The following ARHGAP20 variants were observed in gnomAD, a reference collection of about 807,000 sequenced individuals.
ARHGAP20 encodes rho GTPase-activating protein 20.
ARHGAP20 carries 34 observed loss-of-function variants against 73.7 expected under a neutral mutation model. The ratio of observed to expected loss-of-function variants is 0.46; its 90% confidence interval spans 0.35 to 0.61. The LOEUF is 0.61. Ranked by LOEUF, ARHGAP20 falls within the 20% of genes least tolerant of loss-of-function variation. The pLI is 0.00. For missense variants in ARHGAP20, 1,314 were observed against 1,420.9 expected (o/e 0.92, Z 1.21); for synonymous variants, 523 against 518.2 (o/e 1.01, Z -0.13).
chr11:110,591,360 GAATA>G (rs1427936310), intron 10 of ARHGAP20, among the ~76,000 whole-genome samples: 2 of 152,146 alleles, frequency 1.3e-5, no homozygotes, highest in East Asian at 3.8e-4. Flanking sequence ...TTGTTGTGAA[GAATA>G]AATAAAGTGG....
chr11:110,611,834 G>A (rs939796737), intron 6 of ARHGAP20, among the ~76,000 whole-genome samples: 25 of 152,048 alleles, frequency 1.6e-4, no homozygotes, highest in African/African-American at 4.6e-4. Context: ...ATTTCTTTGC[G>A]TGGTATAAAG....
intron 4 of ARHGAP20, 149 bp from the exon 5 acceptor site, chr11:110,615,743 G>A: frequency 2.9e-6 from 2 of 683,816 alleles, no homozygotes; most frequent in East Asian, 5.4e-5. Flanking sequence ...GCATAATTGT[G>A]TTCTGGAGAA....
chr11:110,685,973 T>C (rs533069084), intron 2 of ARHGAP20, among the ~76,000 whole-genome samples: 16 of 152,270 alleles, frequency 1.1e-4, no homozygotes, highest in African/African-American at 3.9e-4. Context: ...TTGAACTAGC[T>C]GTGTTATCAT....
At position 110,588,062 on chromosome 11, in the gene ARHGAP20, A is replaced by G. The variant is rs192076715; in HGVS notation, c.1306-1737T>C. On this transcript the variant is annotated intron_variant, in intron 11 of 14. Coordinates refer to ENST00000683387, the MANE Select transcript of ARHGAP20 (RefSeq NM_001384657.1). ...AAAACATACTTATGATCTGTCTTGA[A>G]GAAAAACATCATTAACATCTTAAAC... Among the ~76,000 whole-genome samples the G allele has an allele frequency of 5.9e-5, 9 of 152,322 alleles. No homozygotes were observed. The East Asian group carries it at 1.7e-3, about 29-fold the overall frequency.
rs777667969 is a variant in ARHGAP20, at chr11:110,578,047, C to T, written c.*1323G>A. 24 of 985,232 alleles carry T rather than the reference C, an allele frequency of 2.4e-5. No individual in the cohort carries two copies. Among genetic ancestry groups the T allele is most frequent in the African/African-American group, 5.2e-5 (3 of 57,216 alleles). 61.0% of individuals were successfully genotyped at this position (985,232 alleles called of 1,614,324 possible). On this transcript the variant is annotated 3_prime_UTR_variant, in exon 15 of 15. Transcript: ENST00000683387. ...AGTAGTTAATGTGAAAGAAGATGCA[C>T]ATCCATTTTTAGTGCCATCCCTGCA...
intron 2 of ARHGAP20, among the ~76,000 whole-genome samples, chr11:110,648,673 A>T (rs898692586): frequency 6.6e-6 from 1 of 151,706 alleles, no homozygotes; most frequent in African/African-American, 2.4e-5. Context: ...AGTAGAGACG[A>T]GGTTTCACCA....
chr11:110,701,299 C>T (rs926557552), intron 1 of ARHGAP20, among the ~76,000 whole-genome samples: 3 of 150,204 alleles, frequency 2.0e-5, no homozygotes, highest in African/African-American at 7.3e-5. Flanking sequence ...GAGATGGTAT[C>T]TCATTGTGGT....
intron 2 of ARHGAP20, among the ~76,000 whole-genome samples, chr11:110,644,436 T>G (rs1184455634): frequency 1.3e-5 from 2 of 152,112 alleles, no homozygotes; most frequent in Non-Finnish European, 2.9e-5. Context: ...CAAAACAGCA[T>G]GGTACTGGTA....
chr11:110,704,332 T>C (rs572500373), intron 1 of ARHGAP20, among the ~76,000 whole-genome samples: 1 of 152,282 alleles, frequency 6.6e-6, no homozygotes, highest in African/African-American at 2.4e-5. Context: ...TGTGAGCTGA[T>C]GTGGGGCACA....
chr11:110,629,022 A>T (rs2134951787), intron 3 of ARHGAP20, among the ~76,000 whole-genome samples: 1 of 152,326 alleles, frequency 6.6e-6, no homozygotes, highest in South Asian at 2.1e-4. Context: ...TATCATTGTA[A>T]CTGCTAAGGG....
At chr11:110,688,833 T>C (rs1950185440) in intron 2 of ARHGAP20, among the ~76,000 whole-genome samples, 1 of 152,188 alleles carries the variant, frequency 6.6e-6, no homozygotes, top group Admixed American at 6.5e-5. Context: ...ATCAACCCAA[T>C]GACTAAAGTG....
At chr11:110,641,134 C>T (rs973773441) in intron 2 of ARHGAP20, among the ~76,000 whole-genome samples, 3 of 151,580 alleles carry the variant, frequency 2.0e-5, no homozygotes, top group Admixed American at 6.6e-5. Context: ...GGAGCATATG[C>T]GATACAATGA....
intron 1 of ARHGAP20, among the ~76,000 whole-genome samples, chr11:110,692,094 A>G (rs17487753): frequency 0.012 from 1,820 of 152,202 alleles, 32 homozygotes; most frequent in Non-Finnish European, 0.013. Flanking sequence ...CCTAGTTTAT[A>G]TATTATAGCG....
At position 110,579,399 on chromosome 11, in the gene ARHGAP20, C is replaced by T. The variant is rs1303383117; in HGVS notation, c.3547G>A (p.Glu1183Lys). 5.0e-6 allele frequency: 8 copies of T among 1,602,066 alleles called. No homozygotes were observed. Among genetic ancestry groups the T allele is most frequent in the Non-Finnish European group, 6.0e-6 (7 of 1,170,312 alleles). The change falls in exon 15 of 15, where the codon GAG becomes AAG. Residue 1183 changes from glutamate (E) to lysine (K), a missense_variant. Physicochemically the swap from Glu to Lys is moderately conservative, Grantham distance 56. Transcript: ENST00000683387. ...ATGTCTTTGGTTAAATACCTGTCCT[C>T]AATGTCGCAGACCACTGTAGGCCCT... Reference protein sequence around the residue: ...DSGPTVVCDIEDRYLTKDI With the variant: ...DSGPTVVCDIKDRYLTKDI
intron 4 of ARHGAP20, among the ~76,000 whole-genome samples, chr11:110,621,336 T>A (rs1431751421): frequency 6.6e-6 from 1 of 152,122 alleles, no homozygotes; most frequent in Non-Finnish European, 1.5e-5. Context: ...TTTTAACCAC[T>A]ATTTTTTCAG....
chr11:110,584,549 A>G (rs908840327), intron 12 of ARHGAP20, among the ~76,000 whole-genome samples: 1 of 152,038 alleles, frequency 6.6e-6, no homozygotes, highest in Non-Finnish European at 1.5e-5. Flanking sequence ...TGTAAGGGTA[A>G]GTTATGAAGG....
intron 6 of ARHGAP20, 56 bp downstream of exon 6, chr11:110,614,505 G>C: frequency 2.0e-6 from 3 of 1,468,456 alleles, no homozygotes; most frequent in Non-Finnish European, 2.9e-6. Flanking sequence ...CTTATCCGTA[G>C]TGTTCTGTCT....
At position 110,583,747 on chromosome 11, in the gene ARHGAP20, GA is replaced by G; in HGVS notation, c.1416-11del. On this transcript the variant is annotated splice_polypyrimidine_tract_variant and intron_variant, in intron 12 of 14. Coordinates refer to ENST00000683387, the MANE Select transcript of ARHGAP20 (RefSeq NM_001384657.1). The stretch of plus-strand genomic sequence containing the variant: ...AAGCTGGTCTAATAGCCTAAAGACA[GA>G]AAAATTACTCTTTAAGCAAGACATT... 6.5e-7 allele frequency: 1 copy of G among 1,531,610 alleles called. No individual in the cohort carries two copies. The highest frequency in any genetic ancestry group is 8.8e-7 in the Non-Finnish European group (1 of 1,134,628). 94.9% of individuals were successfully genotyped at this position (1,531,610 alleles called of 1,614,324 possible). A position where few individuals can be genotyped will look rare whatever the true frequency, so the allele number is the denominator to read the frequency against.
chr11:110,668,092 T>G (rs1222452267), intron 2 of ARHGAP20, among the ~76,000 whole-genome samples: 1 of 152,136 alleles, frequency 6.6e-6, no homozygotes, highest in East Asian at 1.9e-4. Context: ...TTGAAAGAAG[T>G]TCTGTGGGAA....
Sources: gnomAD v4.1 joint callset for allele counts (sites outside exome capture counted in the v4.1 genomes callset) on GRCh38, gnomAD v4.1.1 for gene constraint, MANE v1.5 for transcripts, NCBI Gene and HGNC (gene_info 2026-07-23, HGNC 2026-07-21) for gene names.